The following ATAD2B variants were observed in gnomAD, a reference collection of about 807,000 sequenced individuals.
The protein encoded by ATAD2B is ATPase family AAA domain-containing protein 2B.
In ATAD2B, 40 loss-of-function variants were observed where a neutral mutation model predicts 167.6. The observed-to-expected ratio is 0.24, with a 90% CI of 0.19 to 0.31. The LOEUF (loss-of-function observed/expected upper bound fraction) is 0.31, where lower values mean the gene tolerates loss of function less well. ATAD2B is among the 10% of genes least tolerant of loss of function. The probability of loss-of-function intolerance (pLI) is 1.00; values close to 1 mark genes in which losing one functional copy is unlikely to be tolerated. For missense variants in ATAD2B, 1,242 were observed against 1,757.2 expected, an observed-to-expected ratio of 0.71 and a Z score of 5.24; for synonymous variants, 579 against 596.5, an observed-to-expected ratio of 0.97 and a Z score of 0.43.
At chr2:23,825,301 A>G (rs1688081405) in intron 15 of ATAD2B, among the ~76,000 whole-genome samples, 1 of 151,928 alleles carries the variant, frequency 6.6e-6, no homozygotes, top group Admixed American at 6.6e-5. Context: ...CTGAACTAAA[A>G]ATGGTGATTA....
intron 13 of ATAD2B, among the ~76,000 whole-genome samples, chr2:23,835,429 T>C (rs1689766441): frequency 6.6e-6 from 1 of 152,228 alleles, no homozygotes; most frequent in African/African-American, 2.4e-5. Context: ...TATTATATGA[T>C]TCCATTTATA....
intron 1 of ATAD2B, among the ~76,000 whole-genome samples, chr2:23,897,157 A>C (rs1418165326): frequency 6.6e-6 from 1 of 152,172 alleles, no homozygotes; most frequent in Non-Finnish European, 1.5e-5. Context: ...TTCATTCTCT[A>C]GGATGACCCT....
chr2:23,818,295 GGAGA>G (rs10559796), intron 17 of ATAD2B, among the ~76,000 whole-genome samples: 1 of 121,478 alleles, frequency 8.2e-6, no homozygotes. Flanking sequence ...GAGGGAGGGG[GGAGA>G]GAGAGAGAGA....
intron 16 of ATAD2B, among the ~76,000 whole-genome samples, chr2:23,822,105 G>C (rs886358666): frequency 2.0e-5 from 3 of 152,174 alleles, no homozygotes; most frequent in African/African-American, 7.2e-5. Flanking sequence ...GCACACTGCA[G>C]AGTGTCCTAC....
At chr2:23,774,438 G>A (rs1678782495) in intron 22 of ATAD2B, among the ~76,000 whole-genome samples, 1 of 152,168 alleles carries the variant, frequency 6.6e-6, no homozygotes, top group South Asian at 2.1e-4. Flanking sequence ...CCAGGCAACA[G>A]CATGAGACCT....
chr2:23,785,911 G>C (rs1163245195), intron 21 of ATAD2B, 116 bp downstream of exon 21: 9 of 899,340 alleles, frequency 1.0e-5, no homozygotes, highest in Non-Finnish European at 1.5e-5. Flanking sequence ...AAATTTTATA[G>C]GCTAGGGGTA....
chr2:23,803,976 C>T (rs1054932199), intron 18 of ATAD2B, among the ~76,000 whole-genome samples: 7 of 152,048 alleles, frequency 4.6e-5, no homozygotes, highest in African/African-American at 1.4e-4. Flanking sequence ...TATTACACAT[C>T]GATTTAGAGA....
the ATAD2B span, chr2:23,691,562 G>A: frequency 1.2e-6 from 1 of 811,572 alleles, no homozygotes; most frequent in Non-Finnish European, 2.0e-6. Context: ...CGTGTCCTTT[G>A]AGCCCTAAAA....
the ATAD2B span, chr2:23,696,756 T>C: frequency 2.2e-6 from 1 of 457,824 alleles, no homozygotes; most frequent in Non-Finnish European, 3.9e-6. This position sits in a 1 kb window ranked among gnomAD's most constrained non-coding sequence, Gnocchi z 5.5. Flanking sequence ...GGGGCGCTTC[T>C]GTCCCGACAA....
intron 19 of ATAD2B, among the ~76,000 whole-genome samples, chr2:23,789,927 A>G (rs1297547665): frequency 6.6e-6 from 1 of 152,192 alleles, no homozygotes; most frequent in Admixed American, 6.5e-5. Flanking sequence ...CTGAAATTCT[A>G]AGAGAAGAAG....
the ATAD2B span, among the ~76,000 whole-genome samples, chr2:23,731,131 C>T: frequency 1.9e-4 from 29 of 152,258 alleles, no homozygotes; most frequent in Non-Finnish European, 3.1e-4. Flanking sequence ...CATTGTAATA[C>T]ATCAAATATA....
intron 13 of ATAD2B, among the ~76,000 whole-genome samples, chr2:23,849,899 A>G (rs898501326): frequency 6.6e-6 from 1 of 152,210 alleles, no homozygotes; most frequent in Non-Finnish European, 1.5e-5. Flanking sequence ...TTTATAGAAC[A>G]CTATACCATA....
chr2:23,888,045 A>AG, intron 3 of ATAD2B, 60 bp from the exon 4 acceptor site: 4 of 1,337,174 alleles, frequency 3.0e-6, no homozygotes, highest in Non-Finnish European at 3.9e-6. Flanking sequence ...AGAAAAGAAA[A>AG]AAAAAATCAA....
chr2:23,907,276 G>T (rs1701638844), intron 1 of ATAD2B, among the ~76,000 whole-genome samples: 2 of 152,024 alleles, frequency 1.3e-5, no homozygotes, highest in African/African-American at 2.4e-5. Flanking sequence ...AAAGTCTCAG[G>T]ATACAAAATC....
chr2:23,740,703 G>A, the ATAD2B span, among the ~76,000 whole-genome samples: 8 of 152,284 alleles, frequency 5.3e-5, no homozygotes, highest in African/African-American at 1.4e-4. Flanking sequence ...TCTGGCCAGG[G>A]CAGTCAGGCA....
intron 17 of ATAD2B, among the ~76,000 whole-genome samples, chr2:23,814,121 T>G (rs1013326964): frequency 2.0e-5 from 3 of 151,882 alleles, no homozygotes; most frequent in Non-Finnish European, 4.4e-5. Flanking sequence ...AAAAGAAAAT[T>G]TAATAAAAAG....
At chr2:23,785,201 A>T (rs1680642524) in intron 21 of ATAD2B, among the ~76,000 whole-genome samples, 1 of 152,096 alleles carries the variant, frequency 6.6e-6, no homozygotes, top group Non-Finnish European at 1.5e-5. Context: ...AGATTTCACA[A>T]TTAGGATACA....
chr2:23,916,924 T>C (rs1400720363), intron 1 of ATAD2B, among the ~76,000 whole-genome samples: 1 of 152,182 alleles, frequency 6.6e-6, no homozygotes, highest in Admixed American at 6.5e-5. Flanking sequence ...TCTCCTCCAC[T>C]AGACTTTAAG....
At chr2:23,698,013 C>CTGT in the ATAD2B span, 2 of 152,244 alleles carry the variant, frequency 1.3e-5, no homozygotes, top group Non-Finnish European at 2.9e-5. Flanking sequence ...CAAACTTATA[C>CTGT]TGTTGATAAA....
Sources: gnomAD v4.1 joint callset for allele counts (sites outside exome capture counted in the v4.1 genomes callset) on GRCh38, gnomAD v4.1.1 for gene constraint, Gnocchi (gnomAD v3.1) non-coding constraint, MANE v1.5 for transcripts, NCBI Gene and HGNC (gene_info 2026-07-23, HGNC 2026-07-21) for gene names.